APBA1: variants seen among roughly 807,000 people sequenced by gnomAD.
APBA1 encodes amyloid beta precursor protein binding family A member 1.
APBA1 carries 55 observed loss-of-function variants against 86.6 expected under a neutral mutation model. That is an observed-to-expected ratio of 0.64 (90% confidence interval 0.51 to 0.80). The LOEUF is 0.80. APBA1 is among the 30% of genes least tolerant of loss of function. APBA1 has a pLI of 0.00. For synonymous variants in APBA1, 511 were observed against 493.9 expected (o/e 1.03, Z -0.46); for missense variants, 1,090 against 1,183.0 (o/e 0.92, Z 1.15).
intron 1 of APBA1, among the ~76,000 whole-genome samples, chr9:69,530,982 T>G (rs1836423650): frequency 6.6e-6 from 1 of 152,194 alleles, no homozygotes; most frequent in Admixed American, 6.5e-5. Context: ...TAATTCAAAA[T>G]TTTCTAGTAT....
chr9:69,566,908 C>T (rs368961200), intron 1 of APBA1, among the ~76,000 whole-genome samples: 39 of 152,268 alleles, frequency 2.6e-4, no homozygotes, highest in African/African-American at 9.4e-4. Context: ...CAGTCGGCCT[C>T]ACCCTACTTG....
intron 1 of APBA1, among the ~76,000 whole-genome samples, chr9:69,633,690 G>C (rs1333949917): frequency 6.6e-6 from 1 of 152,100 alleles, no homozygotes; most frequent in Non-Finnish European, 1.5e-5. Flanking sequence ...ATGCCCTTGA[G>C]AACAAGTTCA....
chr9:69,662,979 C>T (rs1421790644), intron 1 of APBA1, among the ~76,000 whole-genome samples: 1 of 152,178 alleles, frequency 6.6e-6, no homozygotes, highest in Non-Finnish European at 1.5e-5. Context: ...TTGTCCATAC[C>T]ACCAAATATC....
At chr9:69,573,260 T>C (rs953022148) in intron 1 of APBA1, among the ~76,000 whole-genome samples, 6 of 151,764 alleles carry the variant, frequency 4.0e-5, no homozygotes, top group Admixed American at 6.6e-5. Context: ...GGTGGGAGGA[T>C]TGCTTAAGCC....
At chr9:69,522,809 C>T (rs1836274499) in intron 1 of APBA1, among the ~76,000 whole-genome samples, 1 of 152,112 alleles carries the variant, frequency 6.6e-6, no homozygotes, top group Non-Finnish European at 1.5e-5. Context: ...TTGATGATGA[C>T]CCATGTGCCT....
At chr9:69,489,991 C>T (rs375670580) in intron 2 of APBA1, among the ~76,000 whole-genome samples, 4 of 152,202 alleles carry the variant, frequency 2.6e-5, no homozygotes, top group African/African-American at 4.8e-5. Context: ...ACCCAAAGGA[C>T]TATAAATCAT....
At chr9:69,649,203 ACGTAAGAGTGT>A (rs370192255) in intron 1 of APBA1, among the ~76,000 whole-genome samples, 11 of 152,324 alleles carry the variant, frequency 7.2e-5, no homozygotes, top group African/African-American at 2.6e-4. Flanking sequence ...TGTAAAATGC[ACGTAAGAGTGT>A]CTTCTCTTTT....
At chr9:69,632,066 A>G (rs1467253365) in intron 1 of APBA1, among the ~76,000 whole-genome samples, 1 of 151,936 alleles carries the variant, frequency 6.6e-6, no homozygotes, top group Non-Finnish European at 1.5e-5. Context: ...AAAATAAAAA[A>G]TAAATACAAT....
At chr9:69,445,752 A>G (rs964547448) in intron 10 of APBA1, among the ~76,000 whole-genome samples, 1 of 152,194 alleles carries the variant, frequency 6.6e-6, no homozygotes, top group Non-Finnish European at 1.5e-5. Flanking sequence ...AATACCTATA[A>G]TTCTACTCTA....
At chr9:69,652,867 C>A (rs1040400134) in intron 1 of APBA1, among the ~76,000 whole-genome samples, 1 of 151,832 alleles carries the variant, frequency 6.6e-6, no homozygotes, top group Non-Finnish European at 1.5e-5. Context: ...TGGTGGTATG[C>A]GCGCCTGTAG....
At chr9:69,452,824 T>C (rs1197437402) in intron 8 of APBA1, among the ~76,000 whole-genome samples, 2 of 152,264 alleles carry the variant, frequency 1.3e-5, no homozygotes, top group African/African-American at 2.4e-5. Context: ...GGAAACTTCA[T>C]GACTTTGGAA....
At chr9:69,533,516 C>G (rs192128598) in intron 1 of APBA1, among the ~76,000 whole-genome samples, 181 of 152,234 alleles carry the variant, frequency 1.2e-3, no homozygotes, top group Non-Finnish European at 2.1e-3. Flanking sequence ...CCCTGCAAAA[C>G]CTTTCTGTTC....
intron 1 of APBA1, among the ~76,000 whole-genome samples, chr9:69,537,312 C>A (rs1836528352): frequency 6.6e-6 from 1 of 152,024 alleles, no homozygotes; most frequent in Non-Finnish European, 1.5e-5. Flanking sequence ...GTCTTTAGCT[C>A]TGCAATCAAA....
intron 1 of APBA1, among the ~76,000 whole-genome samples, chr9:69,535,953 C>T (rs1192874881): frequency 6.6e-6 from 1 of 151,792 alleles, no homozygotes; most frequent in African/African-American, 2.4e-5. Flanking sequence ...GTATCTTGGT[C>T]TCTCTCTTTC....
In APBA1 at chr9:69,546,878, C is replaced by T. The variant is rs114211188; in HGVS notation, c.-69-29599G>A. Among the ~76,000 whole-genome samples, 1,303 of 152,276 alleles carry T rather than the reference C, an allele frequency of 8.6e-3. 17 individuals carry two copies. Among genetic ancestry groups the T allele is most frequent in the African/African-American group, 0.03 (1,238 of 41,556 alleles). Reference sequence around the variant, plus strand: ...AATGCTGATATGCACCCTTCTGACCCACCTACTTTATAGAGTTACTGCAAT... The same window carrying T: ...AATGCTGATATGCACCCTTCTGACCTACCTACTTTATAGAGTTACTGCAAT... On this transcript the variant is annotated intron_variant, in intron 1 of 12. Coordinates refer to ENST00000265381, the MANE Select transcript of APBA1 (RefSeq NM_001163.4).
rs746177560 is a variant in APBA1, at chr9:69,456,381, C to T, written c.1654G>A (p.Gly552Arg). ...CGGGCCATCAGCACAACGATGTTCC[C>T]AATGTCCGCAATGTAGGAAATGGTC... ...LRTISYIADIGNIVVLMARRR... is the reference protein window; with the variant it reads ...LRTISYIADIRNIVVLMARRR... The change falls in exon 8 of 13, where the codon GGG (glycine) becomes AGG (arginine). Residue 552 changes from glycine (G) to arginine (R), a missense_variant. Gly to Arg is a moderately radical substitution (Grantham distance 125). Coordinates refer to ENST00000265381, the MANE Select transcript of APBA1 (RefSeq NM_001163.4). The T allele has an allele frequency of 2.5e-6, 4 of 1,612,550 alleles. No homozygotes were observed. The highest frequency in any genetic ancestry group is 3.4e-6 in the Non-Finnish European group (4 of 1,179,148).
intron 6 of APBA1, among the ~76,000 whole-genome samples, chr9:69,457,348 T>C (rs2133816417): frequency 6.6e-6 from 1 of 152,172 alleles, no homozygotes; most frequent in African/African-American, 2.4e-5. Flanking sequence ...CAGGGAAAAA[T>C]GCGGAATCCC....
intron 2 of APBA1, among the ~76,000 whole-genome samples, chr9:69,495,318 G>A (rs1257463022): frequency 6.6e-6 from 1 of 152,156 alleles, no homozygotes; most frequent in Non-Finnish European, 1.5e-5. Flanking sequence ...ATGTGATTTT[G>A]AAGCCTAGGA....
At chr9:69,643,773 T>C (rs770246848) in intron 1 of APBA1, among the ~76,000 whole-genome samples, 35 of 152,108 alleles carry the variant, frequency 2.3e-4, no homozygotes, top group Admixed American at 2.3e-3. Flanking sequence ...GACAACTCTA[T>C]GGGAAAGGAA....
Sources: allele counts gnomAD v4.1 joint callset (sites outside exome capture counted in the v4.1 genomes callset), GRCh38; gene constraint gnomAD v4.1.1; transcripts MANE v1.5; gene names NCBI Gene and HGNC (gene_info 2026-07-23, HGNC 2026-07-21).